Variants in SCTR observed in about 807,000 individuals in gnomAD.
The protein encoded by SCTR is secretin receptor, also known as pancreatic secretin receptor.
SCTR carries 56 observed loss-of-function variants against 60.8 expected under a neutral mutation model. The observed-to-expected ratio is 0.92, with a 90% confidence interval of 0.74 to 1.15. The LOEUF is 1.15. Among genes scored for constraint, SCTR ranks in the 50% most tolerant of loss-of-function variants. The pLI is 0.00. For synonymous variants in SCTR, 202 were observed against 217.0 expected (o/e 0.93, Z 0.61); for missense variants, 562 against 550.4 (o/e 1.02, Z -0.21).
chr2:119,518,627 T>C (rs992671455), intron 1 of SCTR, among the ~76,000 whole-genome samples: 4 of 152,196 alleles, frequency 2.6e-5, no homozygotes, highest in Non-Finnish European at 5.9e-5. Flanking sequence ...GTTTGTAATG[T>C]AAGCAAGTAG....
chr2:119,484,121 G>A (rs1573880908), intron 2 of SCTR, among the ~76,000 whole-genome samples: 1 of 152,132 alleles, frequency 6.6e-6, no homozygotes, highest in East Asian at 1.9e-4. Flanking sequence ...TGACTTGGGG[G>A]TAAGCGGCAT....
At chr2:119,478,753 C>G (rs1677454024) in intron 3 of SCTR, 58 bp downstream of exon 3, 7 of 1,555,310 alleles carry the variant, frequency 4.5e-6, no homozygotes, top group Admixed American at 3.4e-5. Context: ...AAGCTGAGGC[C>G]CCACCCAGAG....
intron 1 of SCTR, among the ~76,000 whole-genome samples, chr2:119,508,011 C>T (rs2579607): frequency 0.11 from 17,159 of 152,092 alleles, 2,113 homozygotes; most frequent in African/African-American, 0.3. Context: ...ATATTCTTCC[C>T]TTTCTCTAGT....
chr2:119,519,957 G>A (rs991692316), intron 1 of SCTR, among the ~76,000 whole-genome samples: 1 of 151,930 alleles, frequency 6.6e-6, no homozygotes, highest in East Asian at 1.9e-4. Context: ...CTATCCAAGT[G>A]TCAGTTTCCT....
intron 2 of SCTR, among the ~76,000 whole-genome samples, chr2:119,487,914 C>T (rs376215809): frequency 3.9e-5 from 6 of 152,152 alleles, no homozygotes; most frequent in Non-Finnish European, 7.3e-5. Flanking sequence ...CCCCTCCCCC[C>T]ACACAGGTGT....
chr2:119,490,765 T>C (rs1042434435), intron 2 of SCTR, among the ~76,000 whole-genome samples: 4 of 152,154 alleles, frequency 2.6e-5, no homozygotes, highest in African/African-American at 7.2e-5. Flanking sequence ...GCCTTAACCT[T>C]TTCTGGGCAC....
chr2:119,522,055 G>C (rs1425197226), intron 1 of SCTR, among the ~76,000 whole-genome samples: 1 of 152,228 alleles, frequency 6.6e-6, no homozygotes, highest in East Asian at 1.9e-4. Context: ...AGCACTTTGG[G>C]AGGCCGAGGC....
intron 4 of SCTR, among the ~76,000 whole-genome samples, chr2:119,467,079 T>A (rs550839355): frequency 4.6e-5 from 7 of 152,084 alleles, no homozygotes; most frequent in Non-Finnish European, 1.0e-4. Context: ...GGAATATTGG[T>A]CAGAAAATTA....
chr2:119,475,479 C>T (rs1220960798), intron 3 of SCTR, among the ~76,000 whole-genome samples: 1 of 151,954 alleles, frequency 6.6e-6, no homozygotes, highest in Non-Finnish European at 1.5e-5. Context: ...CTGCCTTCCA[C>T]TCTGTAGAGC....
At chr2:119,495,891 T>A (rs951175021) in intron 1 of SCTR, among the ~76,000 whole-genome samples, 4 of 152,206 alleles carry the variant, frequency 2.6e-5, no homozygotes, top group Non-Finnish European at 5.9e-5. Context: ...GAATGCTCAT[T>A]CTTTCCCCAC....
intron 11 of SCTR, 83 bp downstream of exon 11, chr2:119,446,676 C>A: frequency 7.8e-7 from 1 of 1,278,904 alleles, no homozygotes; most frequent in Non-Finnish European, 1.0e-6. Context: ...GCATCTGGCT[C>A]GCAGTCTCTA....
At chr2:119,488,371 A>G (rs939170529) in intron 2 of SCTR, among the ~76,000 whole-genome samples, 1 of 152,208 alleles carries the variant, frequency 6.6e-6, no homozygotes, top group African/African-American at 2.4e-5. Flanking sequence ...AAGGTCCGGA[A>G]GAGAGGGGTA....
At chr2:119,455,467 A>G (rs1683337870) in intron 7 of SCTR, among the ~76,000 whole-genome samples, 1 of 152,262 alleles carries the variant, frequency 6.6e-6, no homozygotes, top group Non-Finnish European at 1.5e-5. Context: ...CAGACCATAC[A>G]GGAAGCAGAA....
chr2:119,494,364 T>A (rs1678264282), intron 2 of SCTR, 64 bp downstream of exon 2: 2 of 1,570,704 alleles, frequency 1.3e-6, no homozygotes, highest in Non-Finnish European at 1.7e-6. Context: ...AAGCTCCCCC[T>A]GCCCAGCAGG....
intron 3 of SCTR, among the ~76,000 whole-genome samples, chr2:119,474,777 G>A (rs1037057131): frequency 6.6e-5 from 10 of 152,228 alleles, no homozygotes; most frequent in Non-Finnish European, 1.5e-4. Flanking sequence ...CAGCCACAGC[G>A]TATGCTATCA....
At chr2:119,486,690 C>CT (rs1677882002) in intron 2 of SCTR, 1 of 152,196 alleles carries the variant, frequency 6.6e-6, no homozygotes, top group South Asian at 2.1e-4. Context: ...TCCTGGGCCC[C>CT]TTGGAGCCTG....
At chr2:119,456,946 G>C (rs1365422458) in intron 7 of SCTR, among the ~76,000 whole-genome samples, 1 of 152,208 alleles carries the variant, frequency 6.6e-6, no homozygotes, top group East Asian at 1.9e-4. Context: ...AGGTAGGAAA[G>C]AGATATGGGA....
rs947888602 is a variant in SCTR, at chr2:119,464,025, G to T, written c.636+98C>A. ...TGGTATTAAGTGCAGCCTCAGCAGG[G>T]GCTTGGGGGAAGGACAACTAGGCTA... On this transcript the variant is annotated intron_variant, in intron 6 of 12. Coordinates refer to ENST00000019103, the MANE Select transcript of SCTR (RefSeq NM_002980.3). 9.2e-6 allele frequency: 12 copies of T among 1,310,420 alleles called. No homozygotes were observed. The Admixed American group carries it at 2.0e-4, about 22-fold the overall frequency. The allele number at this position is 1,310,420 out of a possible 1,614,324, so 81.2% of individuals were successfully genotyped here. A position where few individuals can be genotyped will look rare whatever the true frequency, so the allele number is the denominator to read the frequency against.
intron 7 of SCTR, among the ~76,000 whole-genome samples, chr2:119,458,617 T>G (rs1384881487): frequency 6.6e-6 from 1 of 150,570 alleles, no homozygotes; most frequent in African/African-American, 2.4e-5. Flanking sequence ...AAAAAAAAAG[T>G]CTTGCCTCAA....
Sources: allele counts gnomAD v4.1 joint callset (sites outside exome capture counted in the v4.1 genomes callset), GRCh38; gene constraint gnomAD v4.1.1; transcripts MANE v1.5; gene names NCBI Gene and HGNC (gene_info 2026-07-23, HGNC 2026-07-21).